The following NEK5 variants were observed in gnomAD, a reference collection of about 807,000 sequenced individuals.
The protein encoded by NEK5 is serine/threonine-protein kinase Nek5.
Under a neutral mutation model 109.2 loss-of-function variants are expected in NEK5, and 88 were observed. That is an observed-to-expected ratio of 0.81 (90% CI 0.68 to 0.96). The LOEUF is 0.96. NEK5 is among the 40% of genes least tolerant of loss of function. The probability of loss-of-function intolerance (pLI) is 0.00; values close to 1 mark genes in which losing one functional copy is unlikely to be tolerated. For synonymous variants in NEK5, 283 were observed against 299.9 expected (o/e 0.94, Z 0.58); for missense variants, 834 against 920.7 (o/e 0.91, Z 1.22).
rs1954617222 is a variant in NEK5 at position 52,061,928 on chromosome 13, G to A, written c.2001C>T (p.Gly667=). 1 of 859,006 alleles carries A rather than the reference G, an allele frequency of 1.2e-6. No homozygotes were observed. The highest frequency in any genetic ancestry group is 5.3e-5 in the South Asian group (1 of 18,828). The allele number at this position is 859,006 out of a possible 1,614,324, so 53.2% of individuals were successfully genotyped here. A position where few individuals can be genotyped will look rare whatever the true frequency, so the allele number is the denominator to read the frequency against. ...GCCACTGTTTCCTGTTTCCTGGAAT[G>A]CCTTCAATCACAATAACTTGGCCAT... ...PDNGQVIVIE[G]IPGNRKQWRH... Residue 667 remains glycine (G), a synonymous_variant, in exon 22 of 24, where the codon GGC becomes GGT. Transcript: ENST00000684899.
At chr13:52,058,875 T>C (rs1954586120) in intron 22 of NEK5, among the ~76,000 whole-genome samples, 1 of 151,996 alleles carries the variant, frequency 6.6e-6, no homozygotes, top group Non-Finnish European at 1.5e-5. Flanking sequence ...GGCTTTACCA[T>C]TCAGGACATA....
chr13:52,111,401 G>T (rs1214065460), intron 5 of NEK5, among the ~76,000 whole-genome samples: 1 of 152,056 alleles, frequency 6.6e-6, no homozygotes, highest in East Asian at 1.9e-4. Context: ...TAAGAAAAAA[G>T]AGTTTCTATC....
intron 4 of NEK5, among the ~76,000 whole-genome samples, chr13:52,114,021 G>T (rs1248972996): frequency 6.6e-6 from 1 of 152,120 alleles, no homozygotes; most frequent in Non-Finnish European, 1.5e-5. Context: ...CCTAGTTTAT[G>T]GTATTTTGTT....
intron 17 of NEK5, among the ~76,000 whole-genome samples, chr13:52,079,760 C>T (rs1954943644): frequency 8.1e-6 from 1 of 123,234 alleles, no homozygotes; most frequent in African/African-American, 2.8e-5. Flanking sequence ...CCCGGCCGCC[C>T]ATCGTCTGGG....
At chr13:52,075,637 T>C in intron 19 of NEK5, 121 bp downstream of exon 19, 3 of 672,726 alleles carry the variant, frequency 4.5e-6, no homozygotes, top group Non-Finnish European at 7.7e-6. Flanking sequence ...ACCACCTGAA[T>C]CTAAAATAAA....
chr13:52,099,157 C>CA (rs1955477743), intron 12 of NEK5, among the ~76,000 whole-genome samples: 1 of 152,134 alleles, frequency 6.6e-6, no homozygotes, highest in African/African-American at 2.4e-5. Context: ...TTGCCTGTAT[C>CA]AAAACATCTC....
intron 7 of NEK5, 92 bp downstream of exon 7, chr13:52,110,248 C>A (rs1955731332): frequency 1.2e-6 from 1 of 836,358 alleles, no homozygotes; most frequent in Non-Finnish European, 2.0e-6. Context: ...TTTAGACAAC[C>A]AAGATTTTAA....
rs1954357147 is a variant in NEK5 at position 52,035,903 on chromosome 13, T to G, written c.*1045A>C. On this transcript the variant is annotated 3_prime_UTR_variant, in exon 24 of 24. Transcript: ENST00000684899. ...AACAAGAAACTTCAAAATCACAGTT[T>G]TGTAAAACGGCAGATTATGTTAAAT... is the stretch of plus-strand genomic sequence containing the variant. 6.6e-6 allele frequency: 1 copy of G among 151,504 alleles called. No homozygotes were observed. Among genetic ancestry groups the G allele is most frequent in the Admixed American group, 6.6e-5 (1 of 15,168 alleles). 9.4% of individuals were successfully genotyped at this position (151,504 alleles called of 1,614,324 possible).
chr13:52,102,071 AAC>A lies in NEK5; in HGVS notation c.810+19_810+20del. 1 of 1,612,442 alleles carries A rather than the reference AAC, an allele frequency of 6.2e-7. No individual in the cohort carries two copies. Among genetic ancestry groups the A allele is most frequent in the Non-Finnish European group, 8.5e-7 (1 of 1,178,812 alleles). ...AACCCAAAATCTCTGCCAAAATCCA[AAC>A]AGTCACCTCAAAACTTACCTCAGGA... is the stretch of plus-strand genomic sequence containing the variant. On this transcript the variant is annotated intron_variant, in intron 10 of 23. Transcript: ENST00000684899.
At chr13:52,053,424 T>C (rs1954525494) in intron 22 of NEK5, among the ~76,000 whole-genome samples, 2 of 152,222 alleles carry the variant, frequency 1.3e-5, no homozygotes, top group South Asian at 4.1e-4. Context: ...TGTGATTTTG[T>C]AACTGAGTGC....
At chr13:52,105,450 C>T (rs940336380) in intron 8 of NEK5, among the ~76,000 whole-genome samples, 9 of 151,912 alleles carry the variant, frequency 5.9e-5, no homozygotes, top group African/African-American at 2.2e-4. Flanking sequence ...AACTCTTGAG[C>T]TCAAGCAATA....
At chr13:52,122,027 G>A (rs1347960077) in intron 3 of NEK5, among the ~76,000 whole-genome samples, 1 of 151,442 alleles carries the variant, frequency 6.6e-6, no homozygotes, top group Non-Finnish European at 1.5e-5. Flanking sequence ...TCATCCTCCA[G>A]AATAGCTGGG....
chr13:52,121,348 T>TG (rs1199021766), intron 3 of NEK5, among the ~76,000 whole-genome samples: 9 of 151,898 alleles, frequency 5.9e-5, no homozygotes, highest in African/African-American at 1.9e-4. Context: ...TTAGTAGAGA[T>TG]GGGGTCTCAC....
chr13:52,047,925 A>C (rs1373180352), intron 23 of NEK5, among the ~76,000 whole-genome samples: 1 of 152,184 alleles, frequency 6.6e-6, no homozygotes, highest in East Asian at 1.9e-4. Context: ...GAGTTTAGTA[A>C]AGTTACAGGA....
At chr13:52,070,981 G>C (rs2137792567) in intron 20 of NEK5, among the ~76,000 whole-genome samples, 1 of 152,306 alleles carries the variant, frequency 6.6e-6, no homozygotes, top group East Asian at 1.9e-4. Flanking sequence ...AATAACTTGT[G>C]AAAGAAAGGT....
At chr13:52,110,135 G>A (rs1412628428) in intron 7 of NEK5, among the ~76,000 whole-genome samples, 1 of 152,084 alleles carries the variant, frequency 6.6e-6, no homozygotes, top group South Asian at 2.1e-4. Flanking sequence ...TCACACTACA[G>A]AATATTAGCA....
At chr13:52,084,758 AGAGAGTGTGTGTGT>A (rs1360075421) in intron 16 of NEK5, among the ~76,000 whole-genome samples, 623 of 44,966 alleles carry the variant, frequency 0.014, 2 homozygotes, top group African/African-American at 0.03. Flanking sequence ...AGAGAGAGAG[AGAGAGTGTGTGTGT>A]GTGTGTGTGT....
rs1306743002 is a variant in NEK5 at position 52,035,895 on chromosome 13, TCA to T, written c.*1051_*1052del. The T allele has an allele frequency of 1.3e-5, 2 of 151,590 alleles. No individual in the cohort carries two copies. Among genetic ancestry groups the T allele is most frequent in the Non-Finnish European group, 1.5e-5 (1 of 67,924 alleles). The allele number at this position is 151,590 out of a possible 1,614,324, so 9.4% of individuals were successfully genotyped here. On this transcript the variant is annotated 3_prime_UTR_variant, in exon 24 of 24. Coordinates refer to ENST00000684899, the MANE Select transcript of NEK5 (RefSeq NM_001365552.1). ...TTCAATGCAACAAGAAACTTCAAAA[TCA>T]CAGTTTTGTAAAACGGCAGATTATG... is the stretch of plus-strand genomic sequence containing the variant.
At chr13:52,047,248 T>C (rs1027856994) in intron 23 of NEK5, among the ~76,000 whole-genome samples, 1 of 152,184 alleles carries the variant, frequency 6.6e-6, no homozygotes, top group South Asian at 2.1e-4. Flanking sequence ...ACTATACATA[T>C]ACTAGTTTTT....
Sources: gnomAD v4.1 joint callset for allele counts (sites outside exome capture counted in the v4.1 genomes callset) on GRCh38, gnomAD v4.1.1 for gene constraint, MANE v1.5 for transcripts, NCBI Gene and HGNC (gene_info 2026-07-23, HGNC 2026-07-21) for gene names.